TPD52L1: variants seen among roughly 807,000 people sequenced by gnomAD.
The protein encoded by TPD52L1 is TPD52 like 1, also known as tumor protein D53.
A neutral mutation model predicts 28.7 loss-of-function variants in TPD52L1; 18 were observed. The observed-to-expected ratio is 0.63, with a 90% CI of 0.43 to 0.93. TPD52L1 has a LOEUF of 0.93. TPD52L1 is among the 40% of genes least tolerant of loss of function. The pLI is 0.00. For missense variants in TPD52L1, 203 were observed against 254.8 expected, an observed-to-expected ratio of 0.80 and a Z score of 1.39; for synonymous variants, 75 against 88.8, an observed-to-expected ratio of 0.84 and a Z score of 0.88.
chr6:125,214,205 T>A (rs911429099), intron 1 of TPD52L1, among the ~76,000 whole-genome samples: 10 of 152,156 alleles, frequency 6.6e-5, no homozygotes, highest in Admixed American at 6.5e-4. Flanking sequence ...GCCAAGGGCA[T>A]GGGAATCATA....
chr6:125,206,898 C>T lies in TPD52L1; in HGVS notation c.20-13180C>T, dbSNP rs149972818. 6.6e-5 allele frequency among the ~76,000 whole-genome samples: 10 copies of T among 152,118 alleles called. No homozygotes were observed. In the East Asian group the frequency reaches 1.7e-3, roughly 26 times the overall value. On this transcript the variant is annotated intron_variant, in intron 1 of 6. Transcript: ENST00000534000. ...AAACCCCTAAATCACTGTCATATAG[C>T]GATGAAAATTAAAGGGTTATTTATT...
intron 1 of TPD52L1, among the ~76,000 whole-genome samples, chr6:125,212,709 C>T (rs1333437549): frequency 6.6e-6 from 1 of 152,208 alleles, no homozygotes; most frequent in African/African-American, 2.4e-5. Context: ...GGACTGAGCC[C>T]CAGGTCCCAT....
chr6:125,193,766 A>G (rs879235908), intron 1 of TPD52L1, among the ~76,000 whole-genome samples: 22 of 152,202 alleles, frequency 1.4e-4, no homozygotes, highest in Admixed American at 2.0e-4. Flanking sequence ...CAATTCCAGC[A>G]TCAGTGTTGG....
chr6:125,166,722 C>T (rs1324520058), intron 1 of TPD52L1, among the ~76,000 whole-genome samples: 4 of 146,644 alleles, frequency 2.7e-5, no homozygotes, highest in East Asian at 3.9e-4. Flanking sequence ...CATTTTACTA[C>T]AGGAAAGGGA....
chr6:125,226,669 C>T (rs1795629291), intron 2 of TPD52L1, among the ~76,000 whole-genome samples: 1 of 151,138 alleles, frequency 6.6e-6, no homozygotes, highest in Admixed American at 6.6e-5. Context: ...TATACCCCCA[C>T]CCCCGCCGAG....
In TPD52L1 at chr6:125,220,241, G is replaced by T. The variant is rs781690522; in HGVS notation, c.135+48G>T. On this transcript the variant is annotated intron_variant, in intron 2 of 6. Transcript: ENST00000534000. Reference sequence around the variant, plus strand: ...TGCTATTTCTATCTCTGGATCTTAAGAGTTATTATTAGTTTGATATAATAA... The same window carrying T: ...TGCTATTTCTATCTCTGGATCTTAATAGTTATTATTAGTTTGATATAATAA... 3 of 1,224,786 alleles carry T rather than the reference G, an allele frequency of 2.4e-6. No homozygotes were observed. The African/African-American group carries it at 4.5e-5, about 18-fold the overall frequency. The allele number at this position is 1,224,786 out of a possible 1,614,324, so 75.9% of individuals were successfully genotyped here.
chr6:125,163,195 G>A (rs1324689989), intron 1 of TPD52L1, among the ~76,000 whole-genome samples: 2 of 152,166 alleles, frequency 1.3e-5, no homozygotes, highest in Non-Finnish European at 2.9e-5. Context: ...GATTTTTTGA[G>A]TGCTAATGTG....
chr6:125,254,412 T>G (rs1797467635), intron 5 of TPD52L1, among the ~76,000 whole-genome samples: 1 of 152,200 alleles, frequency 6.6e-6, no homozygotes, highest in Admixed American at 6.5e-5. Flanking sequence ...AGCCCAGCTC[T>G]GCCAAGGATT....
chr6:125,253,571 C>A (rs751648866), intron 4 of TPD52L1, 146 bp from the exon 5 acceptor site: 2 of 734,574 alleles, frequency 2.7e-6, no homozygotes, highest in African/African-American at 1.8e-5. Flanking sequence ...CCAACAAAAA[C>A]AAATGTCATC....
chr6:125,252,010 TC>T, intron 4 of TPD52L1: 1 of 1,536,090 alleles, frequency 6.5e-7, no homozygotes, highest in Non-Finnish European at 8.7e-7. Context: ...CTCCTGTGCT[TC>T]CGGGCTGCAG....
intron 3 of TPD52L1, among the ~76,000 whole-genome samples, chr6:125,247,650 A>C (rs1367756650): frequency 1.3e-5 from 2 of 152,220 alleles, no homozygotes; most frequent in Non-Finnish European, 2.9e-5. Flanking sequence ...CACAAAGATG[A>C]ATGGCTTCCT....
chr6:125,168,100 A>C (rs1791025359), intron 1 of TPD52L1, among the ~76,000 whole-genome samples: 1 of 152,182 alleles, frequency 6.6e-6, no homozygotes, highest in Non-Finnish European at 1.5e-5. Flanking sequence ...GTTAGACACA[A>C]ATAGAACTTT....
At chr6:125,227,989 A>G (rs1795715011) in intron 2 of TPD52L1, among the ~76,000 whole-genome samples, 1 of 152,220 alleles carries the variant, frequency 6.6e-6, no homozygotes, top group African/African-American at 2.4e-5. Context: ...GCAAATAAAC[A>G]ACACACTTTG....
At chr6:125,219,759 C>T (rs908148801) in intron 1 of TPD52L1, 6 of 377,060 alleles carry the variant, frequency 1.6e-5, no homozygotes, top group African/African-American at 1.3e-4. Flanking sequence ...TTGTCCTCTG[C>T]CCTTACGCCT....
In TPD52L1 at chr6:125,178,620, AAAAACAAAAC is replaced by A. The variant is rs567869890; in HGVS notation, c.19+24680_19+24689del. ...TGGGCGACAGAGTGAGACTCCATCT[AAAAACAAAAC>A]AAAACAAAACAAAACAAAACAAAAC... On this transcript the variant is annotated intron_variant, in intron 1 of 6. Transcript: ENST00000534000. Among the ~76,000 whole-genome samples, 330 of 150,678 alleles carry A rather than the reference AAAAACAAAAC, an allele frequency of 2.2e-3. 3 individuals are homozygous for A. The highest frequency in any genetic ancestry group is 0.01 in the Middle Eastern group (3 of 292).
intron 3 of TPD52L1, among the ~76,000 whole-genome samples, chr6:125,244,779 C>T (rs539929215): frequency 2.0e-5 from 3 of 152,106 alleles, no homozygotes; most frequent in South Asian, 2.1e-4. Context: ...GGATGCCTGC[C>T]GTTTGGGGTA....
chr6:125,160,387 T>A lies in TPD52L1; in HGVS notation c.19+6417T>A, dbSNP rs145848503. 6.0e-4 allele frequency among the ~76,000 whole-genome samples: 92 copies of A among 152,242 alleles called. 1 individual carries two copies. The East Asian group carries it at 0.015, about 25-fold the overall frequency. ...TATTTGCATTTTCATAGATGAAAGG[T>A]CTTGCTCGGTTGCCTAGGCTGAAGT... is the stretch of plus-strand genomic sequence containing the variant. On this transcript the variant is annotated intron_variant, in intron 1 of 6. Transcript: ENST00000534000.
At chr6:125,173,585 G>A (rs530000586) in intron 1 of TPD52L1, among the ~76,000 whole-genome samples, 1 of 152,080 alleles carries the variant, frequency 6.6e-6, no homozygotes, top group Non-Finnish European at 1.5e-5. Flanking sequence ...GTCGCCCTTG[G>A]AGATCCTGCC....
chr6:125,187,111 T>C (rs1031799961), intron 1 of TPD52L1, among the ~76,000 whole-genome samples: 1 of 152,118 alleles, frequency 6.6e-6, no homozygotes, highest in African/African-American at 2.4e-5. Context: ...TCTAATAATT[T>C]GATAGAGCAA....
Sources: allele counts gnomAD v4.1 joint callset (sites outside exome capture counted in the v4.1 genomes callset), GRCh38; gene constraint gnomAD v4.1.1; transcripts MANE v1.5; gene names NCBI Gene and HGNC (gene_info 2026-07-23, HGNC 2026-07-21).